The following PCDHGA7 variants were observed in gnomAD, a reference collection of about 807,000 sequenced individuals.
The protein encoded by PCDHGA7 is protocadherin gamma-A7.
PCDHGA7 carries 44 observed loss-of-function variants against 58.3 expected under a neutral mutation model. The observed-to-expected ratio is 0.75, with a 90% CI of 0.59 to 0.97. The LOEUF (loss-of-function observed/expected upper bound fraction) is 0.97, where lower values mean the gene tolerates loss of function less well. Among genes scored for constraint, PCDHGA7 ranks in the 50% least tolerant of loss-of-function variants. The probability of loss-of-function intolerance (pLI) is 0.00; values close to 1 mark genes in which losing one functional copy is unlikely to be tolerated. For missense variants in PCDHGA7, 1,266 were observed against 1,188.7 expected, an observed-to-expected ratio of 1.06 and a Z score of -0.96; for synonymous variants, 516 against 504.2, an observed-to-expected ratio of 1.02 and a Z score of -0.31.
intron 1 of PCDHGA7, among the ~76,000 whole-genome samples, chr5:141,387,290 A>G (rs2090890389): frequency 6.6e-6 from 1 of 152,168 alleles, no homozygotes; most frequent in Non-Finnish European, 1.5e-5. Flanking sequence ...GAAAGATAAA[A>G]TGTATCCAGT....
chr5:141,510,069 CCAGCAGAGTGCCTGG>C (rs994886462), intron 3 of PCDHGA7, among the ~76,000 whole-genome samples: 12 of 152,260 alleles, frequency 7.9e-5, no homozygotes, highest in Admixed American at 7.8e-4. Context: ...TGTGAAGCAT[CCAGCAGAGTGCCTGG>C]CACACAGTAG....
In PCDHGA7 at chr5:141,431,494, C is replaced by A; in HGVS notation, c.2424+46171C>A. 6.2e-7 allele frequency: 1 copy of A among 1,613,956 alleles called. No homozygotes were observed. Among genetic ancestry groups the A allele is most frequent in the Middle Eastern group, 1.6e-4 (1 of 6,062 alleles). On this transcript the variant is annotated intron_variant, in intron 1 of 3. Coordinates refer to ENST00000518325, the MANE Select transcript of PCDHGA7 (RefSeq NM_018920.4). This position sits in a 1 kb window ranked among gnomAD's most constrained non-coding sequence, Gnocchi z 4.8. Reference sequence around the variant, plus strand: ...ACAACGCACCAGCGTTTGCTCAGCCCGAGTACCGCGCGAGCGTTCCGGAGA... The same window carrying A: ...ACAACGCACCAGCGTTTGCTCAGCCAGAGTACCGCGCGAGCGTTCCGGAGA...
At chr5:141,421,985 C>A (rs762388624) in intron 1 of PCDHGA7, 1 of 1,608,432 alleles carries the variant, frequency 6.2e-7, no homozygotes, top group East Asian at 2.2e-5. Flanking sequence ...GTGAGTGTTC[C>A]AGAAAACATC....
Position 141,491,215 on chromosome 5 carries a change from A to G in PCDHGA7, c.2425-3592A>G, listed in dbSNP as rs546893944. 2.5e-6 allele frequency: 4 copies of G among 1,614,196 alleles called. No individual in the cohort carries two copies. Among genetic ancestry groups the G allele is most frequent in the Non-Finnish European group, 3.4e-6 (4 of 1,180,036 alleles). On this transcript the variant is annotated intron_variant, in intron 1 of 3. Coordinates refer to ENST00000518325, the MANE Select transcript of PCDHGA7 (RefSeq NM_018920.4). This position sits in a 1 kb window ranked among gnomAD's most constrained non-coding sequence, Gnocchi z 6.9. ...CAATGGTGACCCTTCACTCTCCTCC[A>G]CAGCCACAGTGCTGCTGGTTCTGGA...
In PCDHGA7 at chr5:141,412,148, C is replaced by T. The variant is rs183538712; in HGVS notation, c.2424+26825C>T. ...GGACTTTGGCCTCTGATACAAACTG[C>T]CTAAGAGAAGAGATTATTTATACTG... On this transcript the variant is annotated intron_variant, in intron 1 of 3. Coordinates refer to ENST00000518325, the MANE Select transcript of PCDHGA7 (RefSeq NM_018920.4). The T allele has an allele frequency of 3.1e-4, 47 of 152,220 alleles. 2 individuals carry two copies. The highest frequency in any genetic ancestry group is 1.1e-3 in the African/African-American group (45 of 41,552). The allele number at this position is 152,220 out of a possible 1,614,324, so 9.4% of individuals were successfully genotyped here.
At chr5:141,407,812 T>C (rs1191426791) in intron 1 of PCDHGA7, among the ~76,000 whole-genome samples, 1 of 152,226 alleles carries the variant, frequency 6.6e-6, no homozygotes, top group Non-Finnish European at 1.5e-5. Context: ...AAATATCTAC[T>C]ATAATATTAT....
chr5:141,413,639 GT>G, intron 1 of PCDHGA7: 1 of 1,613,854 alleles, frequency 6.2e-7, no homozygotes, highest in South Asian at 1.1e-5. Context: ...GCGGGAATGC[GT>G]TTTCCTCTCC....
chr5:141,405,187 GGTTCGAGCTT>G (rs2094622612), intron 1 of PCDHGA7: 1 of 1,613,360 alleles, frequency 6.2e-7, no homozygotes, highest in African/African-American at 1.3e-5. Context: ...GTGTAGATGG[GGTTCGAGCTT>G]TCCTACAGAC....
rs182132552 is a variant in PCDHGA7 at position 141,435,146 on chromosome 5, T to A, written c.2424+49823T>A. Among the ~76,000 whole-genome samples the A allele has an allele frequency of 4.6e-3, 696 of 152,288 alleles. 5 individuals carry two copies. Among genetic ancestry groups the A allele is most frequent in the African/African-American group, 0.016 (677 of 41,554 alleles). ...ATGGAAAATATAAATAAAATTGTGA[T>A]AAACTTTTGTAAATAGAGTGGCTTT... On this transcript the variant is annotated intron_variant, in intron 1 of 3. Transcript: ENST00000518325.
chr5:141,423,156 C>G, intron 1 of PCDHGA7: 1 of 1,613,388 alleles, frequency 6.2e-7, no homozygotes, highest in Non-Finnish European at 8.5e-7. Flanking sequence ...AGCAGAGCCT[C>G]GTGGTGGCCG....
intron 1 of PCDHGA7, chr5:141,392,630 C>T (rs1431794812): frequency 1.7e-6 from 1 of 602,802 alleles, no homozygotes; most frequent in African/African-American, 1.9e-5. Context: ...ACACTCAGAT[C>T]TCACACCTCA....
At chr5:141,406,346 G>T (rs1296474677) in intron 1 of PCDHGA7, among the ~76,000 whole-genome samples, 2 of 152,092 alleles carry the variant, frequency 1.3e-5, no homozygotes, top group Non-Finnish European at 2.9e-5. Flanking sequence ...ATTTATTCAG[G>T]TCATACTATG....
rs376526750 is a variant in PCDHGA7 at position 141,476,593 on chromosome 5, G to T, written c.2425-18214G>T. The T allele has an allele frequency of 8.5e-5, 138 of 1,614,104 alleles. No individual in the cohort carries two copies. The highest frequency in any genetic ancestry group is 1.1e-4 in the Non-Finnish European group (133 of 1,180,044). On this transcript the variant is annotated intron_variant, in intron 1 of 3. Transcript: ENST00000518325. The surrounding 1 kb of genome is among the most constrained non-coding windows in gnomAD (Gnocchi z 7.6). ...GGACGCGCTTTCCGCTCGAGAGCGCGCACGATCCCGATGTGGGAAGCAACT... is the reference window on the plus strand; with the variant it reads ...GGACGCGCTTTCCGCTCGAGAGCGCTCACGATCCCGATGTGGGAAGCAACT...
At chr5:141,433,364 T>C (rs1246641841) in intron 1 of PCDHGA7, 1 of 524,614 alleles carries the variant, frequency 1.9e-6, no homozygotes, top group Admixed American at 3.5e-5. Context: ...TCTGCCTATC[T>C]ATCTATCTAT....
intron 2 of PCDHGA7, among the ~76,000 whole-genome samples, chr5:141,503,596 C>T (rs1267014587): frequency 7.7e-6 from 1 of 129,694 alleles, no homozygotes; most frequent in African/African-American, 3.3e-5. Context: ...GAGACTCCAG[C>T]TCAAAAAAAA....
chr5:141,390,212 C>T (rs2150413972), intron 1 of PCDHGA7: 1 of 1,614,058 alleles, frequency 6.2e-7, no homozygotes, highest in African/African-American at 1.3e-5. Flanking sequence ...CAGGACAAGA[C>T]ATACTTTGCG....
At position 141,431,784 on chromosome 5, in the gene PCDHGA7, A is replaced by G; in HGVS notation, c.2424+46461A>G. On this transcript the variant is annotated intron_variant, in intron 1 of 3. Coordinates refer to ENST00000518325, the MANE Select transcript of PCDHGA7 (RefSeq NM_018920.4). The surrounding 1 kb of genome is among the most constrained non-coding windows in gnomAD (Gnocchi z 4.8). ...CTGATCACTGTTCTGGACGTGAACG[A>G]CAATGCCCCAGAAGTGGTCCTCACC... 1 of 1,614,220 alleles carries G rather than the reference A, an allele frequency of 6.2e-7. No individual in the cohort carries two copies. Among genetic ancestry groups the G allele is most frequent in the Non-Finnish European group, 8.5e-7 (1 of 1,180,022 alleles).
intron 1 of PCDHGA7, chr5:141,400,747 G>T (rs2094069778): frequency 5.0e-6 from 3 of 602,662 alleles, no homozygotes; most frequent in African/African-American, 1.9e-5. Context: ...TTTGCTCTTA[G>T]CTTCCTCTCT....
chr5:141,399,799 G>A lies in PCDHGA7; in HGVS notation c.2424+14476G>A, dbSNP rs768345936. The A allele has an allele frequency of 8.7e-6, 14 of 1,613,236 alleles. No homozygotes were observed. The South Asian group carries it at 1.5e-4, about 18-fold the overall frequency. On this transcript the variant is annotated intron_variant, in intron 1 of 3. Transcript: ENST00000518325. The stretch of plus-strand genomic sequence containing the variant: ...CGACCGAAACGACAACGCACCGCGG[G>A]TGCTGTACCCCGCGCTGGGTCCCGA...
Sources: allele counts gnomAD v4.1 joint callset (sites outside exome capture counted in the v4.1 genomes callset), GRCh38; gene constraint gnomAD v4.1.1; non-coding constraint Gnocchi (gnomAD v3.1); transcripts MANE v1.5; gene names NCBI Gene and HGNC (gene_info 2026-07-23, HGNC 2026-07-21).